Variants in SNX18 observed in about 807,000 individuals in gnomAD.
The protein encoded by SNX18 is sorting nexin 18, also known as sorting nexin-18.
Under a neutral mutation model 48.7 loss-of-function variants are expected in SNX18, and 35 were observed. The ratio of observed to expected loss-of-function variants is 0.72; its 90% CI spans 0.55 to 0.95. SNX18 has a LOEUF of 0.95. Among genes scored for constraint, SNX18 ranks in the 40% least tolerant of loss-of-function variants. The probability of loss-of-function intolerance (pLI) is 0.00; values close to 1 mark genes in which losing one functional copy is unlikely to be tolerated. For missense variants in SNX18, 824 were observed against 871.0 expected (o/e 0.95, Z 0.68); for synonymous variants, 492 against 384.7 (o/e 1.28, Z -3.26).
At chr5:54,519,756 C>T in intron 1 of SNX18, 183 bp downstream of exon 1, 3 of 1,614,160 alleles carry the variant, frequency 1.9e-6, no homozygotes, top group Non-Finnish European at 2.5e-6. Context: ...AGGCAGCTTC[C>T]TCCTCGAGTA....
At position 54,519,328 on chromosome 5, in the gene SNX18, G is replaced by A; in HGVS notation, c.1376G>A (p.Gly459Asp). The A allele has an allele frequency of 1.2e-6, 2 of 1,613,602 alleles. No individual in the cohort carries two copies. Among genetic ancestry groups the A allele is most frequent in the Non-Finnish European group, 8.5e-7 (1 of 1,179,754 alleles). ...ANEFARKQVT[G>D]FKKEYQKVGQ... ...GAGTTCGCGCGCAAGCAGGTGACCG[G>A]CTTCAAAAAGGAGTATCAGAAGGTG... The change falls in exon 1 of 2, where the codon GGC (glycine) becomes GAC (aspartate). Residue 459 changes from glycine (G) to aspartate (D), a missense_variant. Gly to Asp is a moderately conservative substitution (Grantham distance 94). Coordinates refer to ENST00000381410, the MANE Select transcript of SNX18 (RefSeq NM_001102575.2).
Position 54,546,167 on chromosome 5 carries a change from C to T in SNX18, c.*2735C>T, listed in dbSNP as rs77695376. On this transcript the variant is annotated 3_prime_UTR_variant, in exon 2 of 2. Coordinates refer to ENST00000381410, the MANE Select transcript of SNX18 (RefSeq NM_001102575.2). The stretch of plus-strand genomic sequence containing the variant: ...GAGATTTTCCCAGGCTTCACTGATA[C>T]AGTTGTTTTGCATTTATTCACAATA... 5.9e-5 allele frequency: 9 copies of T among 152,196 alleles called. No individual in the cohort carries two copies. The highest frequency in any genetic ancestry group is 1.7e-4 in the African/African-American group (7 of 41,440). 9.4% of individuals were successfully genotyped at this position (152,196 alleles called of 1,614,324 possible).
the SNX18 span, among the ~76,000 whole-genome samples, chr5:54,612,316 T>C: frequency 6.6e-6 from 1 of 151,866 alleles, no homozygotes; most frequent in Non-Finnish European, 1.5e-5. Flanking sequence ...GGGAGTACAA[T>C]GTCGTGGTCT....
the SNX18 span, among the ~76,000 whole-genome samples, chr5:54,607,228 G>C: frequency 6.6e-6 from 1 of 152,060 alleles, no homozygotes; most frequent in Non-Finnish European, 1.5e-5. Context: ...GGGTTCTTCT[G>C]TTGGCACTGA....
the SNX18 span, among the ~76,000 whole-genome samples, chr5:54,628,004 G>A: frequency 4.3e-4 from 65 of 152,214 alleles, 1 homozygote; most frequent in African/African-American, 1.3e-3. Context: ...TCATTGCAGC[G>A]AGACCCTATT....
At chr5:54,539,104 C>T (rs1762412260) in intron 1 of SNX18, among the ~76,000 whole-genome samples, 1 of 152,112 alleles carries the variant, frequency 6.6e-6, no homozygotes, top group Non-Finnish European at 1.5e-5. Flanking sequence ...GCGATCATAG[C>T]TCATTGCAGC....
chr5:54,518,171 C>T lies in SNX18; in HGVS notation c.219C>T (p.Gly73=). Residue 73 remains glycine (G), a synonymous_variant, in exon 1 of 2, where the codon GGC becomes GGT. Transcript: ENST00000381410. ...EPGPAGDGGP[G]APARYANVPP... ...GCCCGGCGGGAGACGGCGGCCCGGG[C>T]GCCCCGGCCCGCTACGCCAATGTGC... 3 of 1,382,262 alleles carry T rather than the reference C, an allele frequency of 2.2e-6. No homozygotes were observed. The highest frequency in any genetic ancestry group is 1.5e-5 in the African/African-American group (1 of 65,588). 85.6% of individuals were successfully genotyped at this position (1,382,262 alleles called of 1,614,324 possible). A position where few individuals can be genotyped will look rare whatever the true frequency, so the allele number is the denominator to read the frequency against.
chr5:54,551,792 C>T, the SNX18 span, among the ~76,000 whole-genome samples: 5 of 152,130 alleles, frequency 3.3e-5, no homozygotes, highest in African/African-American at 4.8e-5. Flanking sequence ...GAGGACAAGG[C>T]CTATCCTATC....
intron 1 of SNX18, among the ~76,000 whole-genome samples, chr5:54,522,306 C>T (rs1762046911): frequency 6.6e-6 from 1 of 152,122 alleles, no homozygotes; most frequent in Admixed American, 6.6e-5. Context: ...CCTCCCCAAC[C>T]CCAACTGTTA....
the SNX18 span, among the ~76,000 whole-genome samples, chr5:54,555,268 T>A: frequency 6.6e-6 from 1 of 152,238 alleles, no homozygotes; most frequent in Non-Finnish European, 1.5e-5. Context: ...TACCTTGACA[T>A]TTGTTGCACT....
the SNX18 span, among the ~76,000 whole-genome samples, chr5:54,624,599 G>T: frequency 6.6e-6 from 1 of 152,174 alleles, no homozygotes; most frequent in Non-Finnish European, 1.5e-5. Context: ...TTTTAATCAA[G>T]ACTGCAAAGC....
chr5:54,615,015 A>G, the SNX18 span, among the ~76,000 whole-genome samples: 1 of 152,188 alleles, frequency 6.6e-6, no homozygotes, highest in Middle Eastern at 3.2e-3. Context: ...CCCAACCAGT[A>G]CATGACTCTA....
At chr5:54,590,238 G>T in the SNX18 span, among the ~76,000 whole-genome samples, 1 of 152,224 alleles carries the variant, frequency 6.6e-6, no homozygotes, top group Non-Finnish European at 1.5e-5. Flanking sequence ...GGCTAGTAAG[G>T]CCAAAAGGAG....
chr5:54,586,978 A>C, the SNX18 span, among the ~76,000 whole-genome samples: 1 of 122,984 alleles, frequency 8.1e-6, no homozygotes, highest in Non-Finnish European at 1.7e-5. Context: ...GTTAATGGGA[A>C]TTTATTTCCT....
the SNX18 span, among the ~76,000 whole-genome samples, chr5:54,560,544 G>C: frequency 6.6e-6 from 1 of 152,172 alleles, no homozygotes; most frequent in Non-Finnish European, 1.5e-5. Context: ...ATACCTGAGT[G>C]ATGAAATAGT....
chr5:54,525,015 T>C (rs1256424320), intron 1 of SNX18, among the ~76,000 whole-genome samples: 3 of 152,182 alleles, frequency 2.0e-5, no homozygotes, highest in African/African-American at 7.2e-5. Flanking sequence ...AAGCCGTGGG[T>C]GCAGAGCCTC....
the SNX18 span, among the ~76,000 whole-genome samples, chr5:54,577,531 CAGAG>C: frequency 6.6e-5 from 10 of 152,016 alleles, no homozygotes; most frequent in Non-Finnish European, 1.5e-4. Flanking sequence ...AATTGAAGCC[CAGAG>C]AGAGTTTACG....
the SNX18 span, among the ~76,000 whole-genome samples, chr5:54,588,339 T>C: frequency 5.0e-5 from 3 of 60,556 alleles, no homozygotes; most frequent in African/African-American, 2.1e-4. Flanking sequence ...TTTTTTTTTT[T>C]TTTTTTGAGA....
chr5:54,638,297 T>C, the SNX18 span, among the ~76,000 whole-genome samples: 1 of 152,198 alleles, frequency 6.6e-6, no homozygotes, highest in Non-Finnish European at 1.5e-5. Flanking sequence ...TCCACAGATA[T>C]GTGAAGCTAA....
Sources: allele counts gnomAD v4.1 joint callset (sites outside exome capture counted in the v4.1 genomes callset), GRCh38; gene constraint gnomAD v4.1.1; transcripts MANE v1.5; gene names NCBI Gene and HGNC (gene_info 2026-07-23, HGNC 2026-07-21).